ARFGEF2: variants seen among roughly 807,000 people sequenced by gnomAD.
ARFGEF2 encodes the protein brefeldin A-inhibited guanine nucleotide-exchange protein 2.
A neutral mutation model predicts 219.9 loss-of-function variants in ARFGEF2; 74 were observed. The observed-to-expected ratio is 0.34, with a 90% CI of 0.28 to 0.41. ARFGEF2 has a LOEUF of 0.41. Among genes scored for constraint, ARFGEF2 ranks in the 10% least tolerant of loss-of-function variants. The probability of loss-of-function intolerance (pLI) is 1.00; values close to 1 mark genes in which losing one functional copy is unlikely to be tolerated. For missense variants in ARFGEF2, 1,743 were observed against 2,218.3 expected, an observed-to-expected ratio of 0.79 and a Z score of 4.30; for synonymous variants, 733 against 799.2, an observed-to-expected ratio of 0.92 and a Z score of 1.40.
intron 37 of ARFGEF2, among the ~76,000 whole-genome samples, chr20:49,028,933 A>G (rs2091618539): frequency 6.6e-6 from 1 of 152,220 alleles, no homozygotes; most frequent in African/African-American, 2.4e-5. Context: ...GACAGTGAAA[A>G]GTGCTCCGAG....
At chr20:48,945,691 A>G (rs1174324622) in intron 3 of ARFGEF2, among the ~76,000 whole-genome samples, 1 of 152,210 alleles carries the variant, frequency 6.6e-6, no homozygotes, top group Non-Finnish European at 1.5e-5. Flanking sequence ...CCCCATCTCT[A>G]CAAAGTAAAG....
chr20:48,927,253 T>C (rs573671670), intron 1 of ARFGEF2, among the ~76,000 whole-genome samples: 15 of 152,382 alleles, frequency 9.8e-5, no homozygotes, highest in Admixed American at 5.2e-4. Flanking sequence ...ATTTATCATA[T>C]GGACATCTGT....
At position 48,976,079 on chromosome 20, in the gene ARFGEF2, G is replaced by A. The variant is rs201912963; in HGVS notation, c.1838G>A (p.Cys613Tyr). Residue 613 changes from cysteine to tyrosine, a missense_variant, in exon 14 of 39, where the codon TGT becomes TAT. Cys to Tyr is a radical substitution (Grantham distance 194). Coordinates refer to ENST00000371917, the MANE Select transcript of ARFGEF2 (RefSeq NM_006420.3). ...DGKGLDMARRCSVTSMESTVS... is the reference protein window; with the variant it reads ...DGKGLDMARRYSVTSMESTVS... ...AAAGGCCTTGACATGGCAAGACGGT[G>A]TAGTGTGACGTCCATGGAGTCCACA... 4 of 1,613,364 alleles carry A rather than the reference G, an allele frequency of 2.5e-6. No individual in the cohort carries two copies. The highest frequency in any genetic ancestry group is 2.7e-5 in the African/African-American group (2 of 75,014).
At chr20:48,963,064 C>T (rs936486106) in intron 6 of ARFGEF2, among the ~76,000 whole-genome samples, 27 of 150,894 alleles carry the variant, frequency 1.8e-4, no homozygotes, top group African/African-American at 4.2e-4. Context: ...AAAAATTAGC[C>T]GGGCGTGGTG....
intron 18 of ARFGEF2, 136 bp from the exon 19 acceptor site, chr20:48,989,149 A>G: frequency 9.8e-7 from 1 of 1,018,138 alleles, no homozygotes; most frequent in Non-Finnish European, 1.5e-6. Context: ...AATGGTAATA[A>G]TAATATTTGT....
intron 3 of ARFGEF2, among the ~76,000 whole-genome samples, chr20:48,944,478 T>C (rs570091975): frequency 7.5e-4 from 114 of 152,184 alleles, no homozygotes; most frequent in African/African-American, 2.7e-3. Flanking sequence ...GGGAATGAAG[T>C]GACCAGCCTA....
chr20:48,989,234 A>G, intron 18 of ARFGEF2, 51 bp from the exon 19 acceptor site: 1 of 1,603,800 alleles, frequency 6.2e-7, no homozygotes, highest in Non-Finnish European at 8.5e-7. Flanking sequence ...TATGGCATGT[A>G]GCCAGCCCTC....
chr20:48,976,241 C>A (rs1435628943), intron 14 of ARFGEF2, 42 bp downstream of exon 14: 2 of 1,608,238 alleles, frequency 1.2e-6, no homozygotes, highest in South Asian at 2.2e-5. Context: ...TCTAGCAAAG[C>A]CATATTTTCT....
At chr20:48,933,297 T>C (rs1487174234) in intron 1 of ARFGEF2, among the ~76,000 whole-genome samples, 1 of 152,178 alleles carries the variant, frequency 6.6e-6, no homozygotes, top group Admixed American at 6.5e-5. Flanking sequence ...CCGTCCTCCT[T>C]CTGTCATCGT....
intron 26 of ARFGEF2, 84 bp from the exon 27 acceptor site, chr20:49,010,148 G>A: frequency 6.6e-7 from 1 of 1,507,538 alleles, no homozygotes; most frequent in South Asian, 1.2e-5. Context: ...ATGTTTAAGT[G>A]CTGCTTCTAA....
chr20:49,004,674 C>G (rs2091446867), intron 25 of ARFGEF2, among the ~76,000 whole-genome samples: 1 of 151,856 alleles, frequency 6.6e-6, no homozygotes, highest in Non-Finnish European at 1.5e-5. Context: ...CACCTGTAAT[C>G]CCAGCTACTT....
rs1362381939 is a variant in ARFGEF2, at chr20:48,965,948, C to G, written c.984C>G (p.Pro328=). Residue 328 remains proline, a synonymous_variant, in exon 8 of 39, where the codon CCC becomes CCG. Transcript: ENST00000371917. ...GELECQECAI[P]PGVDENSQTN... is the part of the protein sequence containing the mutation. Reference sequence around the variant, plus strand: ...TGGAGTGCCAGGAATGTGCTATTCCCCCAGGAGTTGATGAAAACTCACAGA... The same window carrying G: ...TGGAGTGCCAGGAATGTGCTATTCCGCCAGGAGTTGATGAAAACTCACAGA... 1 of 1,614,100 alleles carries G rather than the reference C, an allele frequency of 6.2e-7. No homozygotes were observed. The highest frequency in any genetic ancestry group is 2.2e-5 in the East Asian group (1 of 44,882).
intron 25 of ARFGEF2, among the ~76,000 whole-genome samples, chr20:49,001,930 C>G (rs962498481): frequency 3.9e-5 from 6 of 152,158 alleles, no homozygotes; most frequent in African/African-American, 1.4e-4. Context: ...TAGATTTGTT[C>G]TCTTTTAAGA....
chr20:49,032,988 T>A, intron 38 of ARFGEF2, 35 bp from the exon 39 acceptor site: 4 of 1,582,138 alleles, frequency 2.5e-6, no homozygotes, highest in Non-Finnish European at 1.7e-6. Context: ...AAAAAAAAAA[T>A]TGTCTAATTT....
intron 12 of ARFGEF2, among the ~76,000 whole-genome samples, chr20:48,974,055 A>C (rs537542180): frequency 1.5e-4 from 22 of 151,190 alleles, no homozygotes; most frequent in Middle Eastern, 3.5e-3. Flanking sequence ...GCATAATTCA[A>C]GGTTCTTTTC....
chr20:48,941,830 T>G (rs769350435), intron 2 of ARFGEF2, 34 bp from the exon 3 acceptor site: 1 of 1,614,132 alleles, frequency 6.2e-7, no homozygotes, highest in Non-Finnish European at 8.5e-7. Flanking sequence ...GAAAATTCAT[T>G]TCTTCTCCCG....
At chr20:49,007,592 C>CTTTTTTTTT (rs752508908) in intron 26 of ARFGEF2, among the ~76,000 whole-genome samples, 1 of 97,844 alleles carries the variant, frequency 1.0e-5, no homozygotes. Flanking sequence ...CCTGGTGTTG[C>CTTTTTTTTT]TTTTTTTTTT....
chr20:48,951,559 TCTC>T, intron 4 of ARFGEF2, 90 bp downstream of exon 4: 1 of 1,547,352 alleles, frequency 6.5e-7, no homozygotes, highest in Non-Finnish European at 8.9e-7. Flanking sequence ...GTGTTAGTTG[TCTC>T]AGGTGGTGCT....
chr20:48,990,463 A>G (rs1413537407), intron 20 of ARFGEF2, among the ~76,000 whole-genome samples: 1 of 152,244 alleles, frequency 6.6e-6, no homozygotes, highest in Non-Finnish European at 1.5e-5. Flanking sequence ...TAGGAGGTTG[A>G]CAATCCCATG....
Sources: gnomAD v4.1 joint callset for allele counts (sites outside exome capture counted in the v4.1 genomes callset) on GRCh38, gnomAD v4.1.1 for gene constraint, MANE v1.5 for transcripts, NCBI Gene and HGNC (gene_info 2026-07-23, HGNC 2026-07-21) for gene names.